The following RANBP2 variants were observed in gnomAD, a reference collection of about 807,000 sequenced individuals.
RANBP2 encodes RAN binding protein 2, also known as E3 SUMO-protein ligase RanBP2.
Under a neutral mutation model 303.6 loss-of-function variants are expected in RANBP2, and 57 were observed. The observed-to-expected ratio is 0.19, with a 90% CI of 0.15 to 0.23. The LOEUF is 0.23. RANBP2 is among the 10% of genes least tolerant of loss of function. The pLI, the probability that RANBP2 is intolerant of heterozygous loss-of-function variation, is 1.00. For synonymous variants in RANBP2, 1,167 were observed against 1,301.5 expected, an observed-to-expected ratio of 0.90 and a Z score of 2.23; for missense variants, 3,138 against 3,780.8, an observed-to-expected ratio of 0.83 and a Z score of 4.46.
At chr2:109,055,638 C>A in the RANBP2 span, among the ~76,000 whole-genome samples, 1 of 152,034 alleles carries the variant, frequency 6.6e-6, no homozygotes, top group East Asian at 1.9e-4. Flanking sequence ...TCTGCCTCGA[C>A]CTCCCAAAGT....
chr2:109,691,555 A>G, the RANBP2 span, among the ~76,000 whole-genome samples: 1 of 152,058 alleles, frequency 6.6e-6, no homozygotes, highest in African/African-American at 2.4e-5. Context: ...TGAATTTCCG[A>G]GAGTTCTGCC....
the RANBP2 span, among the ~76,000 whole-genome samples, chr2:109,559,476 TCCCTTTCTAATTTC>T: frequency 6.6e-6 from 1 of 151,894 alleles, no homozygotes; most frequent in African/African-American, 2.4e-5. Flanking sequence ...CTGAAGAATC[TCCCTTTCTAATTTC>T]CCCTTCTTTG....
chr2:108,722,574 T>C (rs2433797), intron 1 of RANBP2, among the ~76,000 whole-genome samples: 42 of 150,460 alleles, frequency 2.8e-4, no homozygotes, highest in Admixed American at 8.0e-4. Context: ...TTCTAGTCTT[T>C]CATTGTGCTT....
chr2:108,976,495 A>C, the RANBP2 span, among the ~76,000 whole-genome samples: 1 of 152,124 alleles, frequency 6.6e-6, no homozygotes, highest in African/African-American at 2.4e-5. Flanking sequence ...TGCTCCTTGG[A>C]AGGAAGTCTC....
chr2:109,395,149 C>T, the RANBP2 span, among the ~76,000 whole-genome samples: 1 of 152,238 alleles, frequency 6.6e-6, no homozygotes, highest in Non-Finnish European at 1.5e-5. Flanking sequence ...CCTGGGACTC[C>T]GCAGGCAGGC....
the RANBP2 span, among the ~76,000 whole-genome samples, chr2:109,634,119 C>CAAAAAAAAAAAAAAAAAAAAAAAAA: frequency 1.8e-5 from 1 of 56,086 alleles, no homozygotes; most frequent in Non-Finnish European, 2.9e-5. Flanking sequence ...GACTCTGTCT[C>CAAAAAAAAAAAAAAAAAAAAAAAAA]AAAAAAAAAA....
chr2:109,545,532 A>C, the RANBP2 span: 1 of 1,535,848 alleles, frequency 6.5e-7, no homozygotes, highest in Non-Finnish European at 8.7e-7. Flanking sequence ...TCGAATCGAC[A>C]GCCTGGTTCC....
chr2:109,294,464 G>A, the RANBP2 span, among the ~76,000 whole-genome samples: 2 of 151,574 alleles, frequency 1.3e-5, no homozygotes, highest in African/African-American at 4.9e-5. Flanking sequence ...AGGAGGCTGA[G>A]GCACAAGAAT....
chr2:109,209,416 C>G, the RANBP2 span, among the ~76,000 whole-genome samples: 8,416 of 152,162 alleles, frequency 0.055, 545 homozygotes, highest in African/African-American at 0.16. Flanking sequence ...AGGGTGTAAA[C>G]ACTCCCACCT....
the RANBP2 span, among the ~76,000 whole-genome samples, chr2:109,300,911 A>G: frequency 6.6e-6 from 1 of 152,142 alleles, no homozygotes; most frequent in East Asian, 1.9e-4. Flanking sequence ...CAGCTGGGCC[A>G]TGGTTAGAAG....
chr2:109,005,766 G>C, the RANBP2 span, among the ~76,000 whole-genome samples: 1 of 152,172 alleles, frequency 6.6e-6, no homozygotes, highest in African/African-American at 2.4e-5. Flanking sequence ...ACAAAACTTT[G>C]CTTACCCTTC....
the RANBP2 span, chr2:109,615,072 G>C: frequency 7.1e-6 from 11 of 1,549,382 alleles, no homozygotes; most frequent in Non-Finnish European, 9.6e-6. Flanking sequence ...CCTTGTGGGG[G>C]CTACCGCACA....
chr2:109,610,573 G>A, the RANBP2 span, among the ~76,000 whole-genome samples: 9 of 152,196 alleles, frequency 5.9e-5, 1 homozygote, highest in African/African-American at 1.9e-4. Flanking sequence ...AAAATTAGCC[G>A]GGCGTGGTGG....
chr2:108,856,609 C>T, the RANBP2 span: 7 of 161,762 alleles, frequency 4.3e-5, no homozygotes, highest in African/African-American at 1.7e-4. Context: ...ATAATGTCTC[C>T]TCTCTCCTTA....
the RANBP2 span, chr2:109,347,568 C>T: frequency 6.9e-6 from 10 of 1,452,306 alleles, no homozygotes; most frequent in Admixed American, 1.8e-4. Context: ...TATGCACCCC[C>T]AGGACACAGA....
the RANBP2 span, among the ~76,000 whole-genome samples, chr2:109,209,376 T>C: frequency 1.3e-5 from 2 of 152,180 alleles, no homozygotes; most frequent in African/African-American, 4.8e-5. Flanking sequence ...CCTAGGAAGA[T>C]GCCCTGAGTG....
At chr2:109,719,330 C>A in the RANBP2 span, among the ~76,000 whole-genome samples, 1 of 150,868 alleles carries the variant, frequency 6.6e-6, no homozygotes, top group African/African-American at 2.4e-5. Flanking sequence ...AAACTCCCAG[C>A]CTCAGATGAT....
the RANBP2 span, among the ~76,000 whole-genome samples, chr2:109,051,858 C>T: frequency 4.6e-5 from 7 of 151,912 alleles, no homozygotes; most frequent in African/African-American, 1.7e-4. Context: ...ACGCCATTCT[C>T]CTACCTCAGC....
the RANBP2 span, among the ~76,000 whole-genome samples, chr2:109,268,857 T>G: frequency 1.1e-4 from 16 of 152,348 alleles, no homozygotes; most frequent in Admixed American, 2.6e-4. Flanking sequence ...GTTGGGTGTA[T>G]TCAATGAATT....
Sources: gnomAD v4.1 joint callset for allele counts (sites outside exome capture counted in the v4.1 genomes callset) on GRCh38, gnomAD v4.1.1 for gene constraint, MANE v1.5 for transcripts, NCBI Gene and HGNC (gene_info 2026-07-23, HGNC 2026-07-21) for gene names.